SDCCAG8: variants seen among roughly 807,000 people sequenced by gnomAD.
SDCCAG8 encodes the protein serologically defined colon cancer antigen 8.
In SDCCAG8, 74 loss-of-function variants were observed where a neutral mutation model predicts 101.8. That is an observed-to-expected ratio of 0.73 (90% CI 0.60 to 0.88). The LOEUF (loss-of-function observed/expected upper bound fraction) is 0.88. Ranked by LOEUF, SDCCAG8 falls within the 40% of genes least tolerant of loss-of-function variation. The probability of loss-of-function intolerance (pLI) is 0.00; values close to 1 mark genes in which losing one functional copy is unlikely to be tolerated. For missense variants in SDCCAG8, 787 were observed against 822.6 expected (o/e 0.96, Z 0.53); for synonymous variants, 281 against 292.9 (o/e 0.96, Z 0.41).
intron 12 of SDCCAG8, chr1:243,346,043 T>G (rs2075683646): frequency 6.5e-6 from 1 of 153,214 alleles, no homozygotes; most frequent in South Asian, 2.1e-4. Flanking sequence ...TGAAGTGATG[T>G]GCTTGTTACC....
chr1:243,282,571 T>A (rs1459718134), intron 4 of SDCCAG8, among the ~76,000 whole-genome samples: 9 of 152,220 alleles, frequency 5.9e-5, no homozygotes, highest in Admixed American at 5.9e-4. Flanking sequence ...TCTGAAGAAC[T>A]TTTTTAAACA....
chr1:243,305,488 C>T (rs2072006680), intron 7 of SDCCAG8: 1 of 151,776 alleles, frequency 6.6e-6, no homozygotes. Flanking sequence ...TATTTGTATA[C>T]ATGATGAATT....
intron 12 of SDCCAG8, among the ~76,000 whole-genome samples, chr1:243,344,954 G>A (rs898925214): frequency 6.6e-6 from 1 of 152,162 alleles, no homozygotes; most frequent in African/African-American, 2.4e-5. Context: ...AAAGTTTTTA[G>A]AGAGGCAGTT....
chr1:243,355,453 A>G (rs1274645806), intron 12 of SDCCAG8, among the ~76,000 whole-genome samples: 2 of 152,190 alleles, frequency 1.3e-5, no homozygotes, highest in Non-Finnish European at 2.9e-5. Context: ...GGGGACGCTC[A>G]TATCTTTAAA....
chr1:243,461,571 T>G (rs1659110552), intron 16 of SDCCAG8, among the ~76,000 whole-genome samples: 1 of 152,214 alleles, frequency 6.6e-6, no homozygotes, highest in South Asian at 2.1e-4. Flanking sequence ...AAATTTGCAC[T>G]GATGAGAGAT....
At chr1:243,296,840 C>G (rs982740092) in intron 6 of SDCCAG8, among the ~76,000 whole-genome samples, 1 of 152,120 alleles carries the variant, frequency 6.6e-6, no homozygotes, top group Non-Finnish European at 1.5e-5. Context: ...GCCCCAACTG[C>G]TCTTTTTAAG....
Position 243,399,921 on chromosome 1 carries a change from A to T in SDCCAG8, c.1617-15781A>T, listed in dbSNP as rs535962223. On this transcript the variant is annotated intron_variant, in intron 13 of 17. Transcript: ENST00000366541. ...ATCCCCACATAACCCTACCAGGTAG[A>T]TTCTGCCATAAGCCCCATTTTACAG... Among the ~76,000 whole-genome samples, 3 of 152,344 alleles carry T rather than the reference A, an allele frequency of 2.0e-5. No individual in the cohort carries two copies. In the East Asian group the frequency reaches 5.8e-4, roughly 29 times the overall value.
chr1:243,488,926 A>G lies in SDCCAG8; in HGVS notation c.1986-88A>G. The G allele has an allele frequency of 2.5e-6, 4 of 1,595,804 alleles. No homozygotes were observed. In the South Asian group the frequency reaches 4.4e-5, roughly 18 times the overall value. On this transcript the variant is annotated intron_variant, in intron 16 of 17. Transcript: ENST00000366541. ...GGCGTCCTGCTCATGGTTCCCTATC[A>G]GGGGCTTCCCTCAGATACACACAGC...
chr1:243,408,399 T>C (rs1256973105), intron 13 of SDCCAG8, among the ~76,000 whole-genome samples: 1 of 152,214 alleles, frequency 6.6e-6, no homozygotes, highest in Non-Finnish European at 1.5e-5. Flanking sequence ...TCAATGTTTT[T>C]GCAAAGGTGA....
At chr1:243,347,752 C>A (rs977165968) in intron 12 of SDCCAG8, among the ~76,000 whole-genome samples, 22 of 152,162 alleles carry the variant, frequency 1.4e-4, no homozygotes, top group African/African-American at 5.3e-4. Flanking sequence ...GAGGCCCTAA[C>A]ATGACAAGGA....
At chr1:243,384,585 A>C (rs1390146358) in intron 13 of SDCCAG8, among the ~76,000 whole-genome samples, 4 of 102,808 alleles carry the variant, frequency 3.9e-5, no homozygotes, top group African/African-American at 7.5e-5. Context: ...GTACGTGTTT[A>C]AAAACCACAC....
intron 12 of SDCCAG8, among the ~76,000 whole-genome samples, chr1:243,359,023 C>T (rs905848437): frequency 7.9e-5 from 12 of 152,122 alleles, no homozygotes; most frequent in South Asian, 4.1e-4. Flanking sequence ...GTTCTAAAAT[C>T]GGTTGTGGTA....
rs1257165090 is a variant in SDCCAG8 at position 243,307,915 on chromosome 1, C to A, written c.741-74C>A. 6 of 1,600,508 alleles carry A rather than the reference C, an allele frequency of 3.7e-6. No individual in the cohort carries two copies. In the East Asian group the frequency reaches 1.3e-4, roughly 36 times the overall value. On this transcript the variant is annotated intron_variant, in intron 7 of 17. Coordinates refer to ENST00000366541, the MANE Select transcript of SDCCAG8 (RefSeq NM_006642.5). ...ACCCATAAACGATAGTAGTAGTTAA[C>A]ATTATGATGATTCATTTTAAAGTCA... is the stretch of plus-strand genomic sequence containing the variant.
intron 16 of SDCCAG8, among the ~76,000 whole-genome samples, chr1:243,447,248 CA>C (rs397830130): frequency 0.092 from 3,790 of 41,188 alleles, 5 homozygotes; most frequent in South Asian, 0.12. Flanking sequence ...GACTTCGTCT[CA>C]AAAAAAAAAA....
At chr1:243,263,411 G>A (rs1335460652) in intron 1 of SDCCAG8, among the ~76,000 whole-genome samples, 2 of 152,174 alleles carry the variant, frequency 1.3e-5, no homozygotes, top group Admixed American at 1.3e-4. Context: ...TGTAGCCCTT[G>A]ATCTGCAAGA....
At chr1:243,364,457 A>G (rs936224419) in intron 12 of SDCCAG8, among the ~76,000 whole-genome samples, 2 of 152,172 alleles carry the variant, frequency 1.3e-5, no homozygotes, top group African/African-American at 4.8e-5. Context: ...CAGAGCATTC[A>G]TACTGATGTT....
At chr1:243,485,588 G>A (rs903136893) in intron 16 of SDCCAG8, among the ~76,000 whole-genome samples, 9 of 152,138 alleles carry the variant, frequency 5.9e-5, no homozygotes, top group African/African-American at 1.7e-4. Flanking sequence ...CAGGGTTGGA[G>A]GCTTTTCCAA....
intron 13 of SDCCAG8, among the ~76,000 whole-genome samples, chr1:243,379,780 T>C (rs920853869): frequency 6.6e-6 from 1 of 152,230 alleles, no homozygotes; most frequent in Non-Finnish European, 1.5e-5. Flanking sequence ...GTTTATAAAT[T>C]AGAAAAACAT....
intron 15 of SDCCAG8, among the ~76,000 whole-genome samples, chr1:243,420,725 A>G (rs2080941208): frequency 6.6e-6 from 1 of 152,218 alleles, no homozygotes; most frequent in South Asian, 2.1e-4. Flanking sequence ...GGTAGTGAAT[A>G]GGACAAATTT....
Sources: allele counts gnomAD v4.1 joint callset (sites outside exome capture counted in the v4.1 genomes callset), GRCh38; gene constraint gnomAD v4.1.1; transcripts MANE v1.5; gene names NCBI Gene and HGNC (gene_info 2026-07-23, HGNC 2026-07-21).